NEK7: variants seen among roughly 807,000 people sequenced by gnomAD.
NEK7 encodes the protein serine/threonine-protein kinase Nek7.
Under a neutral mutation model 44.6 loss-of-function variants are expected in NEK7, and 18 were observed. The ratio of observed to expected loss-of-function variants is 0.40; its 90% CI spans 0.28 to 0.60. NEK7 has a LOEUF of 0.60. NEK7 is among the 20% of genes least tolerant of loss of function. NEK7 has a pLI of 0.38. For missense variants in NEK7, 256 were observed against 366.5 expected (o/e 0.70, Z 2.46); for synonymous variants, 130 against 121.1 (o/e 1.07, Z -0.48).
intron 1 of NEK7, among the ~76,000 whole-genome samples, chr1:198,214,613 C>T (rs988157007): frequency 3.3e-5 from 5 of 152,034 alleles, no homozygotes; most frequent in Non-Finnish European, 7.4e-5. Flanking sequence ...TTCAAATTAA[C>T]CCAGTCAGAC....
intron 1 of NEK7, among the ~76,000 whole-genome samples, chr1:198,224,066 A>G (rs1445409149): frequency 6.6e-6 from 1 of 152,194 alleles, no homozygotes; most frequent in Non-Finnish European, 1.5e-5. Context: ...ATACAATGAT[A>G]TGAAATGGTT....
intron 1 of NEK7, among the ~76,000 whole-genome samples, chr1:198,179,742 C>T (rs1220890160): frequency 1.3e-5 from 2 of 151,994 alleles, no homozygotes; most frequent in Non-Finnish European, 2.9e-5. Context: ...AAATTTTGTT[C>T]GTATGCAGAT....
At chr1:198,175,882 G>T (rs946929595) in intron 1 of NEK7, among the ~76,000 whole-genome samples, 4 of 152,162 alleles carry the variant, frequency 2.6e-5, no homozygotes, top group Admixed American at 6.5e-5. Flanking sequence ...CTTGAGAACT[G>T]TTCTTCCAGC....
At chr1:198,285,495 G>A (rs1654339569) in intron 7 of NEK7, among the ~76,000 whole-genome samples, 1 of 152,184 alleles carries the variant, frequency 6.6e-6, no homozygotes, top group Non-Finnish European at 1.5e-5. Context: ...CCTTCATGTG[G>A]TGACTTGGCA....
intron 7 of NEK7, among the ~76,000 whole-genome samples, chr1:198,281,332 T>G (rs965437115): frequency 2.0e-5 from 3 of 152,124 alleles, no homozygotes; most frequent in African/African-American, 7.2e-5. Context: ...GAAAACGTGG[T>G]GACCTATGCA....
chr1:198,248,200 G>A (rs12140853), intron 2 of NEK7, among the ~76,000 whole-genome samples: 4,238 of 152,202 alleles, frequency 0.028, 92 homozygotes, highest in Middle Eastern at 0.068. Context: ...TTTTAAATAG[G>A]CTTTTTTTGT....
chr1:198,232,701 G>T, intron 2 of NEK7, 64 bp downstream of exon 2: 1 of 923,264 alleles, frequency 1.1e-6, no homozygotes. Context: ...GTGTAAGAAA[G>T]TAGTACATTT....
intron 1 of NEK7, among the ~76,000 whole-genome samples, chr1:198,223,435 T>C (rs751130588): frequency 2.0e-5 from 3 of 152,208 alleles, no homozygotes; most frequent in Admixed American, 2.0e-4. Flanking sequence ...ATTATTCTTA[T>C]CAAATGTCAA....
At chr1:198,296,665 A>G (rs1383919127) in intron 8 of NEK7, among the ~76,000 whole-genome samples, 2 of 152,216 alleles carry the variant, frequency 1.3e-5, no homozygotes, top group African/African-American at 4.8e-5. Flanking sequence ...TTCAGAAACT[A>G]TTATGCAAGA....
At chr1:198,280,139 A>T (rs753158377) in intron 7 of NEK7, among the ~76,000 whole-genome samples, 3 of 152,054 alleles carry the variant, frequency 2.0e-5, no homozygotes, top group Non-Finnish European at 2.9e-5. Flanking sequence ...GAAATTTGAC[A>T]TGAAATTCCA....
At chr1:198,200,759 C>T (rs6687510) in intron 1 of NEK7, among the ~76,000 whole-genome samples, 25,445 of 151,988 alleles carry the variant, frequency 0.17, 2,721 homozygotes, top group East Asian at 0.58. Context: ...CCATATTGGC[C>T]AGGCTGGTCT....
At chr1:198,294,302 G>A (rs547443207) in intron 8 of NEK7, among the ~76,000 whole-genome samples, 3 of 151,942 alleles carry the variant, frequency 2.0e-5, no homozygotes, top group South Asian at 4.2e-4. Context: ...AAGAAATTAC[G>A]CTCACTGTGT....
intron 9 of NEK7, among the ~76,000 whole-genome samples, chr1:198,317,088 G>A (rs1451359377): frequency 6.6e-6 from 1 of 152,162 alleles, no homozygotes; most frequent in Non-Finnish European, 1.5e-5. Context: ...AATAATTGAG[G>A]AAAAGTTATC....
At chr1:198,283,187 T>G (rs1398091429) in intron 7 of NEK7, among the ~76,000 whole-genome samples, 1 of 152,126 alleles carries the variant, frequency 6.6e-6, no homozygotes, top group African/African-American at 2.4e-5. Flanking sequence ...TTATTCTAAG[T>G]GCAGTGGCAA....
At chr1:198,250,859 G>A (rs1210765304) in intron 2 of NEK7, among the ~76,000 whole-genome samples, 1 of 151,170 alleles carries the variant, frequency 6.6e-6, no homozygotes, top group East Asian at 1.9e-4. Flanking sequence ...TTTCCTAATT[G>A]AATACCCTTT....
intron 5 of NEK7, among the ~76,000 whole-genome samples, chr1:198,275,741 A>G (rs1015342014): frequency 6.6e-6 from 1 of 151,392 alleles, no homozygotes; most frequent in Non-Finnish European, 1.5e-5. Context: ...TCGAATTTTC[A>G]TTGCCTTTTT....
intron 1 of NEK7, among the ~76,000 whole-genome samples, chr1:198,192,373 G>A (rs1383651466): frequency 1.4e-5 from 2 of 147,230 alleles, no homozygotes; most frequent in East Asian, 4.0e-4. Flanking sequence ...TGTTGAATCT[G>A]TCTTTGTTTT....
rs765461662 is a variant in NEK7, at chr1:198,158,216, C to T, written c.-29+940C>T. Among the ~76,000 whole-genome samples the T allele has an allele frequency of 1.6e-4, 25 of 152,286 alleles. No homozygotes were observed. The South Asian group carries it at 2.5e-3, about 15-fold the overall frequency. On this transcript the variant is annotated intron_variant, in intron 1 of 9. Coordinates refer to ENST00000367385, the MANE Select transcript of NEK7 (RefSeq NM_133494.3). ...AATGCTAAAAAATATACTTAGTTTA[C>T]AGTAAGATACATGTTACTGTCCTTG...
chr1:198,262,436 T>C, intron 3 of NEK7, 139 bp from the exon 4 acceptor site: 1 of 525,400 alleles, frequency 1.9e-6, no homozygotes, highest in Non-Finnish European at 3.4e-6. Flanking sequence ...CCTACAGAAC[T>C]CCTTAATAAA....
Sources: allele counts gnomAD v4.1 joint callset (sites outside exome capture counted in the v4.1 genomes callset), GRCh38; gene constraint gnomAD v4.1.1; transcripts MANE v1.5; gene names NCBI Gene and HGNC (gene_info 2026-07-23, HGNC 2026-07-21).